FHAD1: variants seen among roughly 807,000 people sequenced by gnomAD.
The protein encoded by FHAD1 is forkhead-associated domain-containing protein 1.
A neutral mutation model predicts 191.3 loss-of-function variants in FHAD1; 146 were observed. The ratio of observed to expected loss-of-function variants is 0.76; its 90% CI spans 0.67 to 0.88. The LOEUF is 0.88. Among genes scored for constraint, FHAD1 ranks in the 40% least tolerant of loss-of-function variants. FHAD1 has a pLI of 0.00. For synonymous variants in FHAD1, 616 were observed against 672.3 expected (o/e 0.92, Z 1.29); for missense variants, 1,635 against 1,785.8 (o/e 0.92, Z 1.52).
chr1:15,290,610 C>T (rs1004842358), intron 4 of FHAD1, among the ~76,000 whole-genome samples: 4 of 152,080 alleles, frequency 2.6e-5, no homozygotes, highest in African/African-American at 7.2e-5. Context: ...TCATCATCAC[C>T]GTCATCATCA....
chr1:15,397,190 C>CA (rs1226525873), intron 33 of FHAD1, 107 bp from the exon 34 acceptor site: 32,873 of 411,762 alleles, frequency 0.08, no homozygotes, highest in Middle Eastern at 0.1. Context: ...GACTCCGTCT[C>CA]AAAAAAAAAA....
chr1:15,344,149 T>G (rs896216177), intron 16 of FHAD1, among the ~76,000 whole-genome samples: 3 of 152,206 alleles, frequency 2.0e-5, no homozygotes, highest in African/African-American at 7.2e-5. Flanking sequence ...ATACTCGGAT[T>G]GATGGACTTG....
At chr1:15,291,256 A>C (rs1664671768) in intron 4 of FHAD1, among the ~76,000 whole-genome samples, 1 of 150,928 alleles carries the variant, frequency 6.6e-6, no homozygotes, top group Non-Finnish European at 1.5e-5. Flanking sequence ...TAATTTTTGT[A>C]TTTTCAGTAG....
chr1:15,276,947 T>C lies in FHAD1; in HGVS notation c.300+4418T>C, dbSNP rs1658601758. 6.6e-6 allele frequency among the ~76,000 whole-genome samples: 1 copy of C among 152,200 alleles called. No individual in the cohort carries two copies. The highest frequency in any genetic ancestry group is 2.4e-5 in the African/African-American group (1 of 41,456). On this transcript the variant is annotated intron_variant, in intron 3 of 33. Coordinates refer to ENST00000688493, the MANE Select transcript of FHAD1 (RefSeq NM_001391957.1). This position sits in a 1 kb window ranked among gnomAD's most constrained non-coding sequence, Gnocchi z 4.7. ...TGAAGCAACTGTTGAGTAGTAACAC[T>C]GACTCCCTGCCTAAGTGTCAGGCGT...
intron 1 of FHAD1, among the ~76,000 whole-genome samples, chr1:15,251,296 C>A (rs61784061): frequency 4.7e-5 from 2 of 42,524 alleles, no homozygotes; most frequent in African/African-American, 4.3e-4. Context: ...CAAAAAAAAC[C>A]ACCCATTTTA....
chr1:15,339,472 T>A lies in FHAD1; in HGVS notation c.1907-9T>A. ...ATACTTACATTCTTCCTGCTTCTCT[T>A]TTTTTAAGGGTTCTCTTTGTATCTG... On this transcript the variant is annotated splice_polypyrimidine_tract_variant and intron_variant, in intron 14 of 33. Coordinates refer to ENST00000688493, the MANE Select transcript of FHAD1 (RefSeq NM_001391957.1). The A allele has an allele frequency of 8.0e-7, 1 of 1,244,482 alleles. No individual in the cohort carries two copies. The highest frequency in any genetic ancestry group is 1.1e-6 in the Non-Finnish European group (1 of 948,338). The allele number at this position is 1,244,482 out of a possible 1,614,324, so 77.1% of individuals were successfully genotyped here.
chr1:15,341,606 C>G, intron 15 of FHAD1, 130 bp from the exon 16 acceptor site: 1 of 694,950 alleles, frequency 1.4e-6, no homozygotes, highest in Non-Finnish European at 2.4e-6. Flanking sequence ...CTGTAGTGTT[C>G]TGTGATTTTA....
intron 2 of FHAD1, among the ~76,000 whole-genome samples, chr1:15,263,918 C>T (rs1299150712): frequency 6.6e-6 from 1 of 152,176 alleles, no homozygotes; most frequent in Non-Finnish European, 1.5e-5. Flanking sequence ...TATTGACACC[C>T]TTGTCGAAAA....
At chr1:15,380,954 T>C (rs1458489350) in intron 29 of FHAD1, among the ~76,000 whole-genome samples, 158 bp downstream of exon 29, 1 of 152,222 alleles carries the variant, frequency 6.6e-6, no homozygotes, top group African/African-American at 2.4e-5. Flanking sequence ...GGGTCAGGAA[T>C]CACATAGCCA....
At chr1:15,310,281 C>T (rs1367573284) in intron 7 of FHAD1, among the ~76,000 whole-genome samples, 3 of 152,196 alleles carry the variant, frequency 2.0e-5, no homozygotes, top group East Asian at 3.9e-4. Flanking sequence ...GCCGCCTGGC[C>T]GTGGCTTTCC....
chr1:15,324,205 G>A (rs74053902), intron 10 of FHAD1, among the ~76,000 whole-genome samples: 2,899 of 152,248 alleles, frequency 0.019, 99 homozygotes, highest in African/African-American at 0.066. Context: ...TAGGGACCGG[G>A]CTGGGATTAG....
chr1:15,314,634 T>C (rs1673459299), intron 8 of FHAD1: 1 of 27,068 alleles, frequency 3.7e-5, no homozygotes, highest in African/African-American at 1.7e-4. Context: ...TGAGGATGTA[T>C]GTGGGTGTGT....
At chr1:15,324,060 C>T (rs764172034) in intron 10 of FHAD1, among the ~76,000 whole-genome samples, 2 of 152,188 alleles carry the variant, frequency 1.3e-5, no homozygotes, top group African/African-American at 2.4e-5. Flanking sequence ...CCTTACGAAG[C>T]GCTGTCACTA....
rs1226955862 is a variant in FHAD1, at chr1:15,380,719, A to G, written c.3724A>G (p.Asn1242Asp). The G allele has an allele frequency of 6.4e-7, 1 of 1,551,690 alleles. No homozygotes were observed. Among genetic ancestry groups the G allele is most frequent in the Admixed American group, 2.0e-5 (1 of 51,006 alleles). The change falls in exon 29 of 34, where the codon AAC (asparagine) becomes GAC (aspartate). Residue 1242 changes from asparagine (N) to aspartate (D), a missense_variant. By Grantham distance (23) the Asn-to-Asp change is conservative (BLOSUM62 1). Transcript: ENST00000688493. ...ATTTCAGCCTCAGAATGGCCTTTGC[A>G]ACGCAAGGTTCGGCTCAGCCATGGA... is the stretch of plus-strand genomic sequence containing the variant. Reference protein sequence around the residue: ...EILAPQNGLCNARFGSAMEKS... With the variant: ...EILAPQNGLCDARFGSAMEKS...
chr1:15,272,956 G>C (rs1305886605), intron 3 of FHAD1, among the ~76,000 whole-genome samples: 1 of 152,162 alleles, frequency 6.6e-6, no homozygotes, highest in Non-Finnish European at 1.5e-5. Context: ...GGCATCAAGA[G>C]AATGTCTGTA....
At chr1:15,245,018 T>C (rs1752023), upstream of FHAD1, among the ~76,000 whole-genome samples, 118,164 of 152,118 alleles carry the variant, frequency 0.78, 46,000 homozygotes, top group East Asian at 0.86. Context: ...GATCACATGA[T>C]GAGAGAGGAA....
intron 2 of FHAD1, among the ~76,000 whole-genome samples, chr1:15,258,727 A>T (rs1455471484): frequency 6.7e-6 from 1 of 149,214 alleles, no homozygotes; most frequent in Non-Finnish European, 1.5e-5. Context: ...CTGGGACTAT[A>T]GGCATGTACC....
chr1:15,237,876 T>C (rs1226072255), intron 1 of FHAD1, among the ~76,000 whole-genome samples: 5 of 151,956 alleles, frequency 3.3e-5, no homozygotes, highest in Non-Finnish European at 5.9e-5. Flanking sequence ...ATGTCCAGCG[T>C]GAGGGGATTG....
chr1:15,259,097 G>T (rs4661329), intron 2 of FHAD1, among the ~76,000 whole-genome samples: 89,057 of 151,856 alleles, frequency 0.59, 26,404 homozygotes, highest in East Asian at 0.7. Flanking sequence ...TGGGGGTGGT[G>T]GTTGTTTTTA....
Sources: allele counts gnomAD v4.1 joint callset (sites outside exome capture counted in the v4.1 genomes callset), GRCh38; gene constraint gnomAD v4.1.1; non-coding constraint Gnocchi (gnomAD v3.1); transcripts MANE v1.5; gene names NCBI Gene and HGNC (gene_info 2026-07-23, HGNC 2026-07-21).